The following FAM177A1 variants were observed in gnomAD, a reference collection of about 807,000 sequenced individuals.
The protein encoded by FAM177A1 is protein FAM177A1.
A neutral mutation model predicts 26.1 loss-of-function variants in FAM177A1; 22 were observed. That is an observed-to-expected ratio of 0.84 (90% confidence interval 0.60 to 1.20). The LOEUF is 1.20. FAM177A1 is among the 50% of genes most tolerant of loss of function. The probability of loss-of-function intolerance (pLI) is 0.00; values close to 1 mark genes in which losing one functional copy is unlikely to be tolerated. For synonymous variants in FAM177A1, 95 were observed against 99.3 expected, an observed-to-expected ratio of 0.96 and a Z score of 0.26; for missense variants, 296 against 291.1, an observed-to-expected ratio of 1.02 and a Z score of -0.12.
rs532604079 is a variant in FAM177A1 at position 35,078,673 on chromosome 14, A to T, written c.407-254A>T. Among the ~76,000 whole-genome samples, 7 of 152,208 alleles carry T rather than the reference A, an allele frequency of 4.6e-5. 1 individual carries two copies. The highest frequency in any genetic ancestry group is 1.7e-4 in the African/African-American group (7 of 41,452). ...GGCAGTATACACTTTTCTTAAAGACATAGATATATAACAGATACACCTAGT... is the reference window on the plus strand; with the variant it reads ...GGCAGTATACACTTTTCTTAAAGACTTAGATATATAACAGATACACCTAGT... On this transcript the variant is annotated intron_variant, in intron 3 of 4. Transcript: ENST00000280987.
chr14:35,072,658 G>A (rs922171789), intron 2 of FAM177A1, among the ~76,000 whole-genome samples: 8 of 152,050 alleles, frequency 5.3e-5, no homozygotes, highest in African/African-American at 1.7e-4. Context: ...TTGAAAAATC[G>A]GAGCCCTTCT....
At chr14:35,057,951 G>A (rs2045088287) in intron 2 of FAM177A1, among the ~76,000 whole-genome samples, 2 of 152,092 alleles carry the variant, frequency 1.3e-5, no homozygotes, top group Admixed American at 1.3e-4. Context: ...TGTATATTCT[G>A]TTGTTGAAAG....
At chr14:35,071,097 C>T (rs767199113) in intron 2 of FAM177A1, among the ~76,000 whole-genome samples, 6 of 151,496 alleles carry the variant, frequency 4.0e-5, no homozygotes, top group Non-Finnish European at 5.9e-5. Context: ...CCCAGGTTCA[C>T]GCCATTCTTC....
chr14:35,076,514 C>T (rs1405309386), intron 2 of FAM177A1, among the ~76,000 whole-genome samples: 4 of 151,880 alleles, frequency 2.6e-5, no homozygotes, highest in Non-Finnish European at 1.5e-5. Context: ...ATGGGTGCAG[C>T]ACACCAACAT....
intron 3 of FAM177A1, among the ~76,000 whole-genome samples, chr14:35,077,634 C>T (rs1442853168): frequency 1.3e-5 from 2 of 151,896 alleles, no homozygotes; most frequent in African/African-American, 4.8e-5. Context: ...AGGCGCCCGC[C>T]ACCGCGCCCG....
intron 2 of FAM177A1, among the ~76,000 whole-genome samples, chr14:35,070,983 T>TTTTCTTTCTTTC (rs142474332): frequency 1.3e-5 from 2 of 150,288 alleles, no homozygotes; most frequent in African/African-American, 2.5e-5. Context: ...TTGACCTCCA[T>TTTTCTTTCTTTC]TTTCTTTCTT....
Position 35,046,316 on chromosome 14 carries a change from AG to A in FAM177A1, c.-146del, listed in dbSNP as rs1195682629. Reference sequence around the variant, plus strand: ...CTCGGGGTGCGGAGCCCGGCGGGCTAGGCGAGGCGCGGGCTGGCCCCGCCCC... The same window carrying A: ...CTCGGGGTGCGGAGCCCGGCGGGCTAGCGAGGCGCGGGCTGGCCCCGCCCC... On this transcript the variant is annotated 5_prime_UTR_variant, in exon 1 of 5. Transcript: ENST00000280987. 4 of 949,042 alleles carry A rather than the reference AG, an allele frequency of 4.2e-6. No individual in the cohort carries two copies. The allele number at this position is 949,042 out of a possible 1,614,324, so 58.8% of individuals were successfully genotyped here.
intron 2 of FAM177A1, among the ~76,000 whole-genome samples, chr14:35,064,325 T>C (rs1197277644): frequency 6.6e-6 from 1 of 152,136 alleles, no homozygotes; most frequent in Non-Finnish European, 1.5e-5. Context: ...AGATGGAGGT[T>C]GCAGTGAGCC....
rs201181123 is a variant in FAM177A1, at chr14:35,046,601, C to G, written c.138C>G (p.Ala46=). Residue 46 remains alanine, a synonymous_variant, in exon 1 of 5, where the codon GCC becomes GCG. Transcript: ENST00000280987. ...TCGCAGCCTCGGGAGCTGCGGCCGC[C>G]GCGGCATTCGGGGAATCTGCAGGGC... is the stretch of plus-strand genomic sequence containing the variant. ...EAVAASGAAA[A]AAFGESAGQM... 1.5e-5 allele frequency: 24 copies of G among 1,551,986 alleles called. No homozygotes were observed. In the Admixed American group the frequency reaches 2.8e-4, roughly 18 times the overall value.
intron 1 of FAM177A1, 85 bp downstream of exon 1, chr14:35,046,713 C>A: frequency 6.9e-7 from 1 of 1,447,374 alleles, no homozygotes; most frequent in Non-Finnish European, 9.1e-7. Flanking sequence ...GCCTGCGCGG[C>A]CGTCCTCCGA....
At chr14:35,065,954 G>T (rs148974640) in intron 2 of FAM177A1, among the ~76,000 whole-genome samples, 1,839 of 152,046 alleles carry the variant, frequency 0.012, 13 homozygotes, top group Admixed American at 0.018. Context: ...CACCCACCTT[G>T]GCCTCCCAAA....
intron 4 of FAM177A1, among the ~76,000 whole-genome samples, chr14:35,080,437 A>T (rs1267390492): frequency 1.3e-5 from 2 of 152,312 alleles, no homozygotes; most frequent in East Asian, 3.9e-4. Context: ...ATCTGAAAAA[A>T]ATAAAGTCCT....
chr14:35,077,468 CTTTTTTTTTTT>C (rs150813883), intron 3 of FAM177A1, among the ~76,000 whole-genome samples: 3 of 79,528 alleles, frequency 3.8e-5, no homozygotes, highest in African/African-American at 4.8e-5. Flanking sequence ...TTTTCAAGTT[CTTTTTTTTTTT>C]TTTTTTTTTT....
At chr14:35,076,590 A>G (rs1345859766) in intron 2 of FAM177A1, among the ~76,000 whole-genome samples, 1 of 152,120 alleles carries the variant, frequency 6.6e-6, no homozygotes, top group East Asian at 1.9e-4. Context: ...TTAAAGTATA[A>G]TAATAATAAA....
chr14:35,081,000 T>C, intron 4 of FAM177A1, 22 bp from the exon 5 acceptor site: 5 of 1,585,156 alleles, frequency 3.2e-6, no homozygotes, highest in Non-Finnish European at 4.3e-6. Flanking sequence ...CAACTATTCT[T>C]GATATTGCTC....
chr14:35,047,785 A>AAC (rs1566665099), intron 1 of FAM177A1, among the ~76,000 whole-genome samples: 18 of 120,676 alleles, frequency 1.5e-4, no homozygotes, highest in Non-Finnish European at 1.9e-4. Flanking sequence ...ACAACAACAA[A>AAC]AAAAAAACCC....
rs143275761 is a variant in FAM177A1, at chr14:35,079,836, T to C, written c.504+812T>C. Among the ~76,000 whole-genome samples the C allele has an allele frequency of 9.7e-4, 147 of 152,248 alleles. 2 individuals are homozygous for C. The East Asian group carries it at 0.026, about 27-fold the overall frequency. ...GTAGAGGCATGAAGGTACATTGTTATGGTTGGGGAAATGGCAAAAATATAA... is the reference window on the plus strand; with the variant it reads ...GTAGAGGCATGAAGGTACATTGTTACGGTTGGGGAAATGGCAAAAATATAA... On this transcript the variant is annotated intron_variant, in intron 4 of 4. Coordinates refer to ENST00000280987, the MANE Select transcript of FAM177A1 (RefSeq NM_173607.5).
At chr14:35,052,452 G>A (rs1214620690) in intron 1 of FAM177A1, among the ~76,000 whole-genome samples, 1 of 151,752 alleles carries the variant, frequency 6.6e-6, no homozygotes, top group African/African-American at 2.4e-5. Context: ...CTTGTGATCC[G>A]CCTGCCTCGG....
chr14:35,065,181 T>G (rs1038789258), intron 2 of FAM177A1, among the ~76,000 whole-genome samples: 11 of 151,714 alleles, frequency 7.3e-5, no homozygotes, highest in African/African-American at 2.7e-4. Flanking sequence ...GGGAAACTTT[T>G]TTTTTTTTGA....
Sources: allele counts gnomAD v4.1 joint callset (sites outside exome capture counted in the v4.1 genomes callset), GRCh38; gene constraint gnomAD v4.1.1; transcripts MANE v1.5; gene names NCBI Gene and HGNC (gene_info 2026-07-23, HGNC 2026-07-21).